MYH3: variants seen among roughly 807,000 people sequenced by gnomAD.
MYH3 encodes the protein myosin heavy chain 3.
MYH3 carries 130 observed loss-of-function variants against 238.0 expected under a neutral mutation model. The ratio of observed to expected loss-of-function variants is 0.55; its 90% CI spans 0.47 to 0.63. MYH3 has a LOEUF of 0.63. Ranked by LOEUF, MYH3 falls within the 30% of genes least tolerant of loss-of-function variation. MYH3 has a pLI of 0.00. For synonymous variants in MYH3, 880 were observed against 924.1 expected (o/e 0.95, Z 0.86); for missense variants, 1,853 against 2,374.9 (o/e 0.78, Z 4.57).
At position 10,644,447 on chromosome 17, in the gene MYH3, C is replaced by T; in HGVS notation, c.1314G>A (p.Leu438=). 6.2e-7 allele frequency: 1 copy of T among 1,614,110 alleles called. No individual in the cohort carries two copies. The highest frequency in any genetic ancestry group is 8.5e-7 in the Non-Finnish European group (1 of 1,179,940). ...LSKSVYEKLF[L]WMVTRINQQL... ...GCTGGTTAATGCGAGTGACCATCCA[C>T]AAGAACAACTTTTCATAAACTGATT... The change falls in exon 14 of 41, where the codon TTG becomes TTA. Residue 438 remains leucine, a synonymous_variant. Transcript: ENST00000583535.
intron 40 of MYH3, among the ~76,000 whole-genome samples, chr17:10,629,191 C>T (rs1349939360): frequency 6.6e-6 from 1 of 152,136 alleles, no homozygotes; most frequent in Non-Finnish European, 1.5e-5. Flanking sequence ...GCCCCCACCC[C>T]CGGAAAGGCC....
In MYH3 at chr17:10,638,322, C is replaced by G. The variant is rs142021729; in HGVS notation, c.3450G>C (p.Arg1150=). 4.8e-5 allele frequency: 77 copies of G among 1,612,416 alleles called. 1 individual carries two copies. The African/African-American group carries it at 1.0e-3, about 21-fold the overall frequency. Residue 1150 remains arginine, a synonymous_variant, in exon 27 of 41, where the codon CGG becomes CGC. Coordinates refer to ENST00000583535, the MANE Select transcript of MYH3 (RefSeq NM_002470.4). The part of the protein sequence containing the change: ...YARELEELSE[R]LEEAGGVTST... ...AGGTGACGCCTCCCGCCTCCTCCAG[C>G]CGCTCGCTCAGCTCCTCCAGCTCCC... is the stretch of plus-strand genomic sequence containing the variant.
chr17:10,675,020 C>T, the MYH3 span: 2 of 152,248 alleles, frequency 1.3e-5, no homozygotes, highest in Non-Finnish European at 2.9e-5. Context: ...CAGTTTGCTC[C>T]TCCTCAGTGT....
Position 10,651,505 on chromosome 17 carries a change from A to G in MYH3, c.505+7T>C, listed in dbSNP as rs779225215. On this transcript the variant is annotated splice_region_variant and intron_variant, in intron 5 of 40. Coordinates refer to ENST00000583535, the MANE Select transcript of MYH3 (RefSeq NM_002470.4). Reference sequence around the variant, plus strand: ...CAGCATCCCATGCTTCCTCCTGGGAAACTCACCAGTCAGCATGAACTGATA... The same window carrying G: ...CAGCATCCCATGCTTCCTCCTGGGAGACTCACCAGTCAGCATGAACTGATA... The G allele has an allele frequency of 1.2e-5, 20 of 1,613,220 alleles. No homozygotes were observed. In the Admixed American group the frequency reaches 3.3e-4, roughly 27 times the overall value.
At chr17:10,634,249 ATAAC>A (rs2074192420) in intron 31 of MYH3, 67 bp from the exon 32 acceptor site, 2 of 1,577,386 alleles carry the variant, frequency 1.3e-6, no homozygotes, top group Non-Finnish European at 1.7e-6. Flanking sequence ...AAAATACTAA[ATAAC>A]TAAATTAAAT....
chr17:10,650,143 T>C (rs2074361274), intron 6 of MYH3, among the ~76,000 whole-genome samples: 1 of 151,962 alleles, frequency 6.6e-6, no homozygotes, highest in South Asian at 2.1e-4. Flanking sequence ...AGCTAATTTT[T>C]TTGTATTTTT....
At chr17:10,647,328 C>G (rs745341442) in intron 9 of MYH3, 35 bp downstream of exon 9, 2 of 1,613,958 alleles carry the variant, frequency 1.2e-6, no homozygotes, top group Non-Finnish European at 8.5e-7. Flanking sequence ...CCAGTTAACT[C>G]TGAGACGCCA....
rs1567553702 is a variant in MYH3, at chr17:10,635,410, C to T, written c.4129G>A (p.Glu1377Lys). Residue 1377 changes from glutamate to lysine, a missense_variant, in exon 30 of 41, where the codon GAG becomes AAG. Glu to Lys is a moderately conservative substitution (Grantham distance 56, BLOSUM62 1). This residue lies in a region of MYH3 where 1,044 missense variants were observed against 1,192.6 expected (regional missense o/e 0.88). Coordinates refer to ENST00000583535, the MANE Select transcript of MYH3 (RefSeq NM_002470.4). ...TCTGTGCGCTGGATGGCGTCCGTCT[C>T]GTATTTGGTTCTCCACTGGGCAACC... ...SEVAQWRTKYETDAIQRTEEL... is the reference protein window; with the variant it reads ...SEVAQWRTKYKTDAIQRTEEL... 1.2e-6 allele frequency: 2 copies of T among 1,613,936 alleles called. No homozygotes were observed. The highest frequency in any genetic ancestry group is 1.3e-5 in the African/African-American group (1 of 74,942).
the MYH3 span, chr17:10,676,934 A>C: frequency 6.6e-6 from 1 of 152,240 alleles, no homozygotes; most frequent in Non-Finnish European, 1.5e-5. Context: ...TAAAGAGGCT[A>C]TTACTTGAAT....
chr17:10,631,704 C>T lies in MYH3; in HGVS notation c.5193G>A (p.Leu1731=). 1 of 1,614,170 alleles carries T rather than the reference C, an allele frequency of 6.2e-7. No homozygotes were observed. Among genetic ancestry groups the T allele is most frequent in the Non-Finnish European group, 8.5e-7 (1 of 1,180,024 alleles). Residue 1731 remains leucine, a synonymous_variant, in exon 36 of 41, where the codon CTG becomes CTA. Coordinates refer to ENST00000583535, the MANE Select transcript of MYH3 (RefSeq NM_002470.4). ...NTSLIHTKKK[L]ETDLMQLQSE... is the part of the protein sequence containing the mutation. ...TCTGGAGCTGCATGAGGTCTGTCTC[C>T]AGCTTCTTCTTGGTGTGGATGAGGC...
At chr17:10,670,607 TTAA>T in the MYH3 span, among the ~76,000 whole-genome samples, 13 of 152,044 alleles carry the variant, frequency 8.6e-5, no homozygotes, top group African/African-American at 3.1e-4. This position sits in a 1 kb window ranked among gnomAD's most constrained non-coding sequence, Gnocchi z 7.0. Flanking sequence ...CAGTGCCCAA[TTAA>T]TAATGACTCT....
chr17:10,653,119 A>G (rs2074394548), intron 3 of MYH3, among the ~76,000 whole-genome samples: 1 of 152,106 alleles, frequency 6.6e-6, no homozygotes, highest in African/African-American at 2.4e-5. Context: ...GCCTGAGGTG[A>G]GAGACGGATG....
intron 28 of MYH3, among the ~76,000 whole-genome samples, chr17:10,636,288 CA>C (rs397786526): frequency 1.8e-3 from 149 of 81,030 alleles, no homozygotes; most frequent in East Asian, 9.0e-3. Context: ...GCCTCAATCT[CA>C]AAAAAAAAAA....
At chr17:10,630,578 G>A (rs1233324449) in intron 36 of MYH3, 120 bp from the exon 37 acceptor site, 32 of 1,449,478 alleles carry the variant, frequency 2.2e-5, no homozygotes, top group Middle Eastern at 3.5e-4. Context: ...GGCCAGGCGC[G>A]GTGGCTCACG....
chr17:10,658,212 G>A (rs1040786704), upstream of MYH3, among the ~76,000 whole-genome samples: 3 of 152,206 alleles, frequency 2.0e-5, no homozygotes, highest in African/African-American at 7.2e-5. Flanking sequence ...AGCCTCAAGA[G>A]AAGAGTAAAG....
chr17:10,629,904 G>A lies in MYH3; in HGVS notation c.5596C>T (p.Gln1866Ter). 6.2e-7 allele frequency: 1 copy of A among 1,614,114 alleles called. No individual in the cohort carries two copies. Among genetic ancestry groups the A allele is most frequent in the Non-Finnish European group, 8.5e-7 (1 of 1,180,026 alleles). ...ACTTGCAGTTTATCCACCAGATCCTGCAATCTCAGCACATTCTTCCTGTCC... is the reference window on the plus strand; with the variant it reads ...ACTTGCAGTTTATCCACCAGATCCTACAATCTCAGCACATTCTTCCTGTCC... ...EEDRKNVLRLQDLVDKLQVKV... is the reference protein window; with the variant it reads ...EEDRKNVLRL The change falls in exon 39 of 41, where the codon CAG becomes TAG. Residue 1866 changes from glutamine to a stop codon, truncating the protein, a stop_gained. Transcript: ENST00000583535. LOFTEE classifies it high-confidence loss of function.
intron 28 of MYH3, among the ~76,000 whole-genome samples, chr17:10,636,775 G>A (rs1037950552): frequency 1.1e-4 from 17 of 152,024 alleles, no homozygotes; most frequent in African/African-American, 3.6e-4. Context: ...TTAGCCGTGT[G>A]TGTTGGCATG....
intron 10 of MYH3, 36 bp from the exon 11 acceptor site, chr17:10,646,068 T>C: frequency 6.3e-7 from 1 of 1,588,492 alleles, no homozygotes; most frequent in Non-Finnish European, 8.6e-7. Flanking sequence ...GTTATGCAGA[T>C]GCAAAGAAAA....
At chr17:10,652,237 T>C (rs1052040089) in intron 4 of MYH3, 183 bp downstream of exon 4, 2 of 778,466 alleles carry the variant, frequency 2.6e-6, no homozygotes, top group East Asian at 5.6e-5. Flanking sequence ...CCCACCTTCC[T>C]TCTTCCTGCC....
Sources: allele counts gnomAD v4.1 joint callset (sites outside exome capture counted in the v4.1 genomes callset), GRCh38; gene constraint gnomAD v4.1.1; regional missense constraint gnomAD v4.1.1; non-coding constraint Gnocchi (gnomAD v3.1); transcripts MANE v1.5; gene names NCBI Gene and HGNC (gene_info 2026-07-23, HGNC 2026-07-21).